Variants in PTCH1 observed in about 807,000 individuals in gnomAD.
PTCH1 encodes protein patched homolog 1.
In PTCH1, 14 loss-of-function variants were observed where a neutral mutation model predicts 144.6. The observed-to-expected ratio is 0.10, with a 90% CI of 0.06 to 0.15. The LOEUF is 0.15. Ranked by LOEUF, PTCH1 falls within the 10% of genes least tolerant of loss-of-function variation. The probability of loss-of-function intolerance (pLI) is 1.00; values close to 1 mark genes in which losing one functional copy is unlikely to be tolerated. For missense variants in PTCH1, 1,623 were observed against 1,948.3 expected, an observed-to-expected ratio of 0.83 and a Z score of 3.14; for synonymous variants, 833 against 793.6, an observed-to-expected ratio of 1.05 and a Z score of -0.83.
In PTCH1 at chr9:95,449,399, T is replaced by A. The variant is rs2136604356; in HGVS notation, c.3550-76A>T. On this transcript the variant is annotated intron_variant, in intron 21 of 23. Transcript: ENST00000331920. The surrounding 1 kb of genome is among the most constrained non-coding windows in gnomAD (Gnocchi z 5.3). ...GCCACACTCAAAGCTCAAAGCACGG[T>A]ATTTTTCAGGGGCCTCTGTTCCCTG... is the stretch of plus-strand genomic sequence containing the variant. 1 of 1,530,384 alleles carries A rather than the reference T, an allele frequency of 6.5e-7. No individual in the cohort carries two copies. The highest frequency in any genetic ancestry group is 1.2e-5 in the South Asian group (1 of 83,888). The allele number at this position is 1,530,384 out of a possible 1,614,324, so 94.8% of individuals were successfully genotyped here.
In PTCH1 at chr9:95,506,554, A is replaced by G. The variant is rs1263611523; in HGVS notation, c.247T>C (p.Phe83Leu). Residue 83 changes from phenylalanine (F) to leucine (L), a missense_variant, in exon 2 of 24, where the codon TTT (phenylalanine) becomes CTT (leucine). Transcript: ENST00000331920. Reference protein sequence around the residue: ...RKAPLWLRAKFQRLLFKLGCY... With the variant: ...RKAPLWLRAKLQRLLFKLGCY... ...CCCAGTTTAAATAAGAGTCTCTGAA[A>G]CTTCGCTCTCAGCCACAGCGGCGCT... is the stretch of plus-strand genomic sequence containing the variant. The G allele has an allele frequency of 8.7e-6, 14 of 1,613,212 alleles. No individual in the cohort carries two copies. The highest frequency in any genetic ancestry group is 1.7e-5 in the Admixed American group (1 of 59,922).
intron 2 of PTCH1, among the ~76,000 whole-genome samples, chr9:95,486,264 C>T (rs1482813065): frequency 2.0e-5 from 3 of 152,212 alleles, no homozygotes; most frequent in Non-Finnish European, 4.4e-5. Flanking sequence ...AGATAAATGG[C>T]TTCAATTTAC....
chr9:95,494,185 C>T, intron 2 of PTCH1: 1 of 984,886 alleles, frequency 1.0e-6, no homozygotes, highest in Non-Finnish European at 1.2e-6. Context: ...TCCCCGCCCC[C>T]ACCAGCTGCT....
intron 2 of PTCH1, among the ~76,000 whole-genome samples, chr9:95,495,814 T>G (rs1842749921): frequency 6.6e-6 from 1 of 152,188 alleles, no homozygotes; most frequent in African/African-American, 2.4e-5. Flanking sequence ...CTTTTAAAAC[T>G]TCAATGACTG....
chr9:95,516,949 G>C (rs1844395065), exon 1 of PTCH1: 2 of 735,208 alleles, frequency 2.7e-6, no homozygotes, highest in Non-Finnish European at 4.2e-6. Context: ...CGTGCTATCA[G>C]CACAGCCCTC....
At chr9:95,479,426 G>C (rs942276276) in intron 7 of PTCH1, among the ~76,000 whole-genome samples, 5 of 152,196 alleles carry the variant, frequency 3.3e-5, no homozygotes, top group Non-Finnish European at 7.3e-5. Flanking sequence ...AAACAGGAAG[G>C]GGAGAGGAGC....
chr9:95,466,873 C>T lies in PTCH1; in HGVS notation c.2560+243G>A, dbSNP rs56360859. ...TTACAACATGCTCCCCTTTTCCTGA[C>T]GTGCACTTGTACATTCTCACAGAAG... On this transcript the variant is annotated intron_variant, in intron 15 of 23. Coordinates refer to ENST00000331920, the MANE Select transcript of PTCH1 (RefSeq NM_000264.5). Among the ~76,000 whole-genome samples the T allele has an allele frequency of 0.011, 1,609 of 152,278 alleles. 30 individuals carry two copies. Among genetic ancestry groups the T allele is most frequent in the African/African-American group, 0.036 (1,516 of 41,550 alleles).
At chr9:95,494,196 G>T (rs1221316643) in intron 2 of PTCH1, 2 of 985,112 alleles carry the variant, frequency 2.0e-6, no homozygotes, top group African/African-American at 1.7e-5. Flanking sequence ...ACCAGCTGCT[G>T]GCAGTGCCAT....
intron 12 of PTCH1, among the ~76,000 whole-genome samples, chr9:95,475,807 A>G (rs1321558355): frequency 6.6e-6 from 1 of 152,176 alleles, no homozygotes; most frequent in Non-Finnish European, 1.5e-5. Flanking sequence ...TGGGCTTCAT[A>G]GGGCTAGAAA....
intron 7 of PTCH1, among the ~76,000 whole-genome samples, chr9:95,479,478 T>G (rs547116865): frequency 6.6e-6 from 1 of 152,302 alleles, no homozygotes; most frequent in African/African-American, 2.4e-5. Flanking sequence ...GACGCATACT[T>G]GCTGTGCAGA....
intron 3 of PTCH1, chr9:95,483,084 A>T (rs2118493633): frequency 2.0e-5 from 3 of 151,796 alleles, no homozygotes. Flanking sequence ...GGTGACAGAG[A>T]GTGACTCTAT....
chr9:95,459,442 T>A (rs186086004), intron 17 of PTCH1, among the ~76,000 whole-genome samples, 158 bp downstream of exon 17: 3 of 152,276 alleles, frequency 2.0e-5, no homozygotes, highest in Non-Finnish European at 4.4e-5. Context: ...CCATTACACA[T>A]CCTCGTCTCC....
intron 8 of PTCH1, 92 bp from the exon 9 acceptor site, chr9:95,478,278 TTC>T: frequency 6.4e-7 from 1 of 1,569,274 alleles, no homozygotes. Context: ...AGCGCAGCCC[TTC>T]TTTTTTTCTG....
Position 95,447,489 on chromosome 9 carries a change from C to T in PTCH1, c.3805-38G>A, listed in dbSNP as rs1309108613. 4.0e-6 allele frequency: 6 copies of T among 1,510,236 alleles called. No homozygotes were observed. In the African/African-American group the frequency reaches 5.6e-5, roughly 14 times the overall value. The allele number at this position is 1,510,236 out of a possible 1,614,324, so 93.6% of individuals were successfully genotyped here. ...AGGGTGGGTTAGAAGGGTGGTATCC[C>T]AGGCTGGGCATGGTCCCCGCAGCTC... On this transcript the variant is annotated intron_variant, in intron 22 of 23. Transcript: ENST00000331920.
chr9:95,454,748 CTCT>C (rs2136638556), intron 19 of PTCH1, among the ~76,000 whole-genome samples: 1 of 152,352 alleles, frequency 6.6e-6, no homozygotes, highest in Non-Finnish European at 1.5e-5. Flanking sequence ...TGAAAGAAGA[CTCT>C]TCTTCACAGC....
intron 22 of PTCH1, among the ~76,000 whole-genome samples, chr9:95,448,061 C>T (rs1838122631): frequency 6.6e-6 from 1 of 152,182 alleles, no homozygotes. Context: ...GCAGCCTGTT[C>T]CATCTGATTG....
chr9:95,513,575 T>C (rs921626733), upstream of PTCH1, among the ~76,000 whole-genome samples: 5 of 151,674 alleles, frequency 3.3e-5, no homozygotes, highest in Non-Finnish European at 5.9e-5. Context: ...ATGAGTTGAG[T>C]CGACTCAACT....
chr9:95,462,321 A>G (rs931892299), intron 15 of PTCH1, among the ~76,000 whole-genome samples: 1 of 152,244 alleles, frequency 6.6e-6, no homozygotes, highest in Non-Finnish European at 1.5e-5. Context: ...TGCGACGGAA[A>G]GACACGCACC....
chr9:95,492,180 G>A (rs75171613), intron 2 of PTCH1, among the ~76,000 whole-genome samples: 1,601 of 152,318 alleles, frequency 0.011, 24 homozygotes, highest in African/African-American at 0.037. Context: ...TAACCTCTCA[G>A]TGAAAACACA....
Sources: allele counts gnomAD v4.1 joint callset (sites outside exome capture counted in the v4.1 genomes callset), GRCh38; gene constraint gnomAD v4.1.1; non-coding constraint Gnocchi (gnomAD v3.1); transcripts MANE v1.5; gene names NCBI Gene and HGNC (gene_info 2026-07-23, HGNC 2026-07-21).